Variants in DDHD2 observed in about 807,000 individuals in gnomAD.
DDHD2 encodes triacylglycerol hydrolase DDHD2.
Under a neutral mutation model 91.2 loss-of-function variants are expected in DDHD2, and 62 were observed. The observed-to-expected ratio is 0.68, with a 90% confidence interval of 0.55 to 0.84. The LOEUF (loss-of-function observed/expected upper bound fraction) is 0.84, where lower values mean the gene tolerates loss of function less well. DDHD2 is among the 40% of genes least tolerant of loss of function. The pLI, the probability that DDHD2 is intolerant of heterozygous loss-of-function variation, is 0.00. For missense variants in DDHD2, 740 were observed against 846.9 expected (o/e 0.87, Z 1.57); for synonymous variants, 271 against 293.9 (o/e 0.92, Z 0.80).
intron 2 of DDHD2, among the ~76,000 whole-genome samples, chr8:38,233,708 C>G (rs1263845479): frequency 6.6e-6 from 1 of 152,038 alleles, no homozygotes; most frequent in East Asian, 1.9e-4. Context: ...GCGAGCAGAT[C>G]ACTTGAGGTC....
chr8:38,248,394 T>C (rs1805821935), intron 10 of DDHD2, among the ~76,000 whole-genome samples: 1 of 151,880 alleles, frequency 6.6e-6, no homozygotes, highest in Non-Finnish European at 1.5e-5. Flanking sequence ...TTTTCCATTT[T>C]TGTCGTGCCT....
chr8:38,240,450 T>G, intron 6 of DDHD2, 86 bp downstream of exon 6: 1 of 993,572 alleles, frequency 1.0e-6, no homozygotes, highest in Non-Finnish European at 1.5e-6. Flanking sequence ...TTGTCTTAGC[T>G]GCATAAGAAG....
In DDHD2 at chr8:38,261,025, C is replaced by T. The variant is rs541492759; in HGVS notation, c.*452C>T. On this transcript the variant is annotated 3_prime_UTR_variant, in exon 18 of 18. Transcript: ENST00000397166. ...GAGATTCAGAAGGCATTTTGGAGTA[C>T]ACTTATCTCTTGTTTGTGTTGAACT... The T allele has an allele frequency of 6.6e-6, 1 of 152,110 alleles. No individual in the cohort carries two copies. Among genetic ancestry groups the T allele is most frequent in the South Asian group, 2.1e-4 (1 of 4,822 alleles). The allele number at this position is 152,110 out of a possible 1,614,324, so 9.4% of individuals were successfully genotyped here.
intron 9 of DDHD2, chr8:38,247,077 A>AGC (rs1170716512): frequency 2.0e-5 from 3 of 151,528 alleles, no homozygotes; most frequent in Admixed American, 6.6e-5. Context: ...GTTCCTCCAG[A>AGC]GCAGAGCTTT....
chr8:38,264,939 T>C (rs775463965), downstream of DDHD2: 3 of 1,609,176 alleles, frequency 1.9e-6, no homozygotes, highest in Non-Finnish European at 2.6e-6. Context: ...ATTTTCACCA[T>C]TTAAAGGGTC....
At position 38,233,100 on chromosome 8, in the gene DDHD2, T is replaced by C; in HGVS notation, c.106T>C (p.Leu36=). The C allele has an allele frequency of 6.2e-7, 1 of 1,614,190 alleles. No homozygotes were observed. Among genetic ancestry groups the C allele is most frequent in the Non-Finnish European group, 8.5e-7 (1 of 1,180,010 alleles). ...FELIDMDAGS[L]YEPVSPHWFY... ...GCTAATAGACATGGATGCTGGCAGC[T>C]TGTATGAACCAGTTTCTCCCCATTG... Residue 36 remains leucine, a synonymous_variant, in exon 2 of 18, where the codon TTG becomes CTG. Coordinates refer to ENST00000397166, the MANE Select transcript of DDHD2 (RefSeq NM_015214.3).
downstream of DDHD2, chr8:38,267,191 C>A: frequency 6.2e-7 from 1 of 1,611,470 alleles, no homozygotes; most frequent in South Asian, 1.1e-5. Flanking sequence ...CAGATTTTCC[C>A]ATCCCTACTA....
chr8:38,245,755 A>C lies in DDHD2; in HGVS notation c.862A>C (p.Ile288Leu). The C allele has an allele frequency of 6.2e-7, 1 of 1,614,072 alleles. No individual in the cohort carries two copies. The highest frequency in any genetic ancestry group is 8.5e-7 in the Non-Finnish European group (1 of 1,180,020). Reference sequence around the variant, plus strand: ...TCCTTTTTTCAGAGATCTGCAGCGAATAACCCTGCCCAGCATTAACCGCCT... The same window carrying C: ...TCCTTTTTTCAGAGATCTGCAGCGACTAACCCTGCCCAGCATTAACCGCCT... ...STGVDVDLQR[I>L]TLPSINRLRH... Residue 288 changes from isoleucine to leucine, a missense_variant, in exon 8 of 18, where the codon ATA (isoleucine) becomes CTA (leucine). By Grantham distance (5) the Ile-to-Leu change is conservative (BLOSUM62 2). Transcript: ENST00000397166.
chr8:38,253,404 T>A (rs1310523130), intron 15 of DDHD2, 152 bp from the exon 16 acceptor site: 5 of 783,874 alleles, frequency 6.4e-6, no homozygotes, highest in Non-Finnish European at 1.0e-5. Context: ...GAGAAGGAGC[T>A]TGAAGGAGAT....
intron 5 of DDHD2, chr8:38,238,875 A>G (rs1265107917): frequency 9.2e-6 from 2 of 216,482 alleles, no homozygotes; most frequent in Non-Finnish European, 1.6e-5. Context: ...TTAAAGAGGT[A>G]TGGTGCATGC....
In DDHD2 at chr8:38,247,693, C is replaced by A; in HGVS notation, c.1126-20C>A. 1 of 1,439,278 alleles carries A rather than the reference C, an allele frequency of 6.9e-7. No individual in the cohort carries two copies. Among genetic ancestry groups the A allele is most frequent in the Admixed American group, 2.5e-5 (1 of 40,024 alleles). 89.2% of individuals were successfully genotyped at this position (1,439,278 alleles called of 1,614,324 possible). ...ACTAAATGAATTTCAAGAATATGAG[C>A]TTTATAATTTAATTTTTAGGATTCG... is the stretch of plus-strand genomic sequence containing the variant. On this transcript the variant is annotated intron_variant, in intron 9 of 17. Transcript: ENST00000397166.
intron 1 of DDHD2, chr8:38,268,435 A>C: frequency 1.3e-6 from 2 of 1,575,282 alleles, no homozygotes; most frequent in South Asian, 2.3e-5. Context: ...GGAAGATCAG[A>C]GACAGTGGAG....
At chr8:38,259,371 C>T (rs1328772981) in intron 16 of DDHD2, among the ~76,000 whole-genome samples, 1 of 151,300 alleles carries the variant, frequency 6.6e-6, no homozygotes, top group South Asian at 2.1e-4. Context: ...CAGTCGCATG[C>T]TGCCACGCCT....
chr8:38,268,961 C>T (rs766773305), intron 1 of DDHD2: 4 of 1,567,920 alleles, frequency 2.6e-6, no homozygotes, highest in Middle Eastern at 1.7e-4. Flanking sequence ...CTGGATGAGT[C>T]TCTGGAACGG....
downstream of DDHD2, chr8:38,267,210 G>C (rs1807758103): frequency 1.9e-6 from 3 of 1,613,438 alleles, no homozygotes; most frequent in African/African-American, 1.3e-5. Flanking sequence ...TAGCTTTCTA[G>C]GTTAAATTCA....
rs748256894 is a variant in DDHD2, at chr8:38,251,909, T to C, written c.1345-3T>C. Reference sequence around the variant, plus strand: ...CTCCACATAACTATTTTTTATTCTTTAGGGTATTAAGAGACCAGCCCCGCA... The same window carrying C: ...CTCCACATAACTATTTTTTATTCTTCAGGGTATTAAGAGACCAGCCCCGCA... On this transcript the variant is annotated splice_polypyrimidine_tract_variant and splice_region_variant and intron_variant, in intron 11 of 17. Coordinates refer to ENST00000397166, the MANE Select transcript of DDHD2 (RefSeq NM_015214.3). The C allele has an allele frequency of 1.1e-5, 18 of 1,609,122 alleles. No homozygotes were observed. The highest frequency in any genetic ancestry group is 7.7e-5 in the South Asian group (7 of 90,970).
chr8:38,254,668 G>A (rs2130860421), intron 16 of DDHD2, among the ~76,000 whole-genome samples: 1 of 152,172 alleles, frequency 6.6e-6, no homozygotes, highest in East Asian at 1.9e-4. Context: ...CCACGCCTGG[G>A]CAGAATTATT....
At chr8:38,252,403 CAACTT>C (rs1333557043) in intron 13 of DDHD2, 116 bp downstream of exon 13, 1 of 1,151,578 alleles carries the variant, frequency 8.7e-7, no homozygotes, top group South Asian at 1.5e-5. Flanking sequence ...AGCAATGAGA[CAACTT>C]ATAATAGTAT....
At chr8:38,263,279 A>G, downstream of DDHD2, 1 of 579,448 alleles carries the variant, frequency 1.7e-6, no homozygotes, top group Non-Finnish European at 2.2e-6. Flanking sequence ...ATGACATCCC[A>G]TAATTGTTCC....
Sources: gnomAD v4.1 joint callset for allele counts (sites outside exome capture counted in the v4.1 genomes callset) on GRCh38, gnomAD v4.1.1 for gene constraint, MANE v1.5 for transcripts, NCBI Gene and HGNC (gene_info 2026-07-23, HGNC 2026-07-21) for gene names.